The following DNAH12 variants were observed in gnomAD, a reference collection of about 807,000 sequenced individuals.
DNAH12 encodes the protein dynein axonemal heavy chain 12.
Under a neutral mutation model 371.5 loss-of-function variants are expected in DNAH12, and 285 were observed. That is an observed-to-expected ratio of 0.77 (90% CI 0.70 to 0.85). The LOEUF (loss-of-function observed/expected upper bound fraction) is 0.85, where lower values mean the gene tolerates loss of function less well. Ranked by LOEUF, DNAH12 falls within the 40% of genes least tolerant of loss-of-function variation. The pLI, the probability that DNAH12 is intolerant of heterozygous loss-of-function variation, is 0.00. For synonymous variants in DNAH12, 1,200 were observed against 1,213.0 expected (o/e 0.99, Z 0.22); for missense variants, 3,611 against 3,689.4 (o/e 0.98, Z 0.55).
At chr3:57,388,537 C>T (rs2063541774) in intron 45 of DNAH12, among the ~76,000 whole-genome samples, 1 of 127,522 alleles carries the variant, frequency 7.8e-6, no homozygotes, top group Admixed American at 8.7e-5. Context: ...TCATGTGATC[C>T]AATTGTACCA....
At chr3:57,313,464 C>A (rs2061621695) in intron 66 of DNAH12, among the ~76,000 whole-genome samples, 1 of 150,412 alleles carries the variant, frequency 6.6e-6, no homozygotes, top group South Asian at 2.1e-4. Flanking sequence ...CAAGCCTGAA[C>A]AACAAGGTAA....
chr3:57,478,945 A>T (rs919793757), intron 13 of DNAH12, among the ~76,000 whole-genome samples: 4 of 152,228 alleles, frequency 2.6e-5, no homozygotes, highest in Admixed American at 1.3e-4. Flanking sequence ...GGAAAGGAAC[A>T]ATCAGTACCA....
chr3:57,350,525 A>T (rs2062647903), intron 60 of DNAH12, among the ~76,000 whole-genome samples: 1 of 152,206 alleles, frequency 6.6e-6, no homozygotes, highest in Non-Finnish European at 1.5e-5. Flanking sequence ...CACACACATC[A>T]GTTGCATGTG....
intron 62 of DNAH12, among the ~76,000 whole-genome samples, chr3:57,331,257 C>T (rs1295747081): frequency 6.6e-6 from 1 of 152,126 alleles, no homozygotes; most frequent in Non-Finnish European, 1.5e-5. Context: ...GGTATTGAAA[C>T]AATATCTCTA....
rs958115871 is a variant in DNAH12, at chr3:57,491,999, C to CA, written c.1336-2313dup. 4.1e-3 allele frequency among the ~76,000 whole-genome samples: 559 copies of CA among 136,818 alleles called. 2 individuals are homozygous for CA. The highest frequency in any genetic ancestry group is 0.011 in the African/African-American group (425 of 37,172). 89.8% of individuals were successfully genotyped at this position (136,818 alleles called of 152,430 possible). ...ATAGCCTGAGTGACTGAGACTCTGT[C>CA]AAAAAAAAAAAAATTAGACGGGCAT... On this transcript the variant is annotated intron_variant, in intron 11 of 73. Transcript: ENST00000495027.
chr3:57,521,340 A>G (rs573161475), intron 4 of DNAH12, among the ~76,000 whole-genome samples: 1 of 151,914 alleles, frequency 6.6e-6, no homozygotes, highest in African/African-American at 2.4e-5. Flanking sequence ...TGAAAAGACT[A>G]TTCTTCCTCC....
chr3:57,444,862 T>C, intron 28 of DNAH12, 46 bp from the exon 29 acceptor site: 3 of 1,521,964 alleles, frequency 2.0e-6, no homozygotes, highest in Non-Finnish European at 2.7e-6. Flanking sequence ...TGCCAGCAAT[T>C]GCAACCCCAC....
At position 57,470,570 on chromosome 3, in the gene DNAH12, T is replaced by G; in HGVS notation, c.1978A>C (p.Asn660His). 1 of 1,550,268 alleles carries G rather than the reference T, an allele frequency of 6.5e-7. No individual in the cohort carries two copies. ...CACTTGAAAAGTTCCTCTTCTTTAT[T>G]AATAAACTGCACTGCTTCTTCAGAT... ...QESEEAVQFI[N>H]KEEELFKWEL... The change falls in exon 16 of 74, where the codon AAT becomes CAT. Residue 660 changes from asparagine (N) to histidine (H), a missense_variant. Asn to His is a moderately conservative substitution (Grantham distance 68, BLOSUM62 1). Coordinates refer to ENST00000495027, the MANE Select transcript of DNAH12 (RefSeq NM_001366028.2).
At chr3:57,493,828 T>TA (rs2067217594) in intron 11 of DNAH12, 1 of 148,964 alleles carries the variant, frequency 6.7e-6, no homozygotes, top group Admixed American at 6.7e-5. Context: ...TCTTTCATGG[T>TA]AAAAACACAA....
At chr3:57,448,809 C>T (rs528376862) in intron 25 of DNAH12, among the ~76,000 whole-genome samples, 1 of 152,332 alleles carries the variant, frequency 6.6e-6, no homozygotes, top group African/African-American at 2.4e-5. Context: ...AAAGGTTCTC[C>T]AAAGCCCCAC....
intron 60 of DNAH12, among the ~76,000 whole-genome samples, chr3:57,337,208 T>C (rs1324136354): frequency 1.3e-5 from 2 of 152,174 alleles, no homozygotes; most frequent in African/African-American, 2.4e-5. Context: ...ATAACAATTA[T>C]AAAAATACAT....
At chr3:57,467,327 G>A (rs930804695) in intron 17 of DNAH12, among the ~76,000 whole-genome samples, 2 of 152,000 alleles carry the variant, frequency 1.3e-5, no homozygotes, top group African/African-American at 4.8e-5. Flanking sequence ...ATATTGGCCA[G>A]GCTGGTCTCG....
chr3:57,376,026 T>TC (rs1464500997), intron 53 of DNAH12, 61 bp from the exon 54 acceptor site: 4 of 152,076 alleles, frequency 2.6e-5, no homozygotes, highest in Non-Finnish European at 5.9e-5. Context: ...GACAGTAATA[T>TC]AAAGGGCAAG....
intron 62 of DNAH12, 33 bp from the exon 63 acceptor site, chr3:57,323,652 A>G: frequency 6.7e-7 from 1 of 1,484,004 alleles, no homozygotes; most frequent in Non-Finnish European, 8.9e-7. Context: ...TCTTTAGAGC[A>G]ACTTTTATTT....
intron 11 of DNAH12, among the ~76,000 whole-genome samples, chr3:57,495,524 T>C (rs1257452818): frequency 6.6e-6 from 1 of 150,634 alleles, no homozygotes; most frequent in African/African-American, 2.5e-5. Context: ...TAGTGCCACA[T>C]TAGGACACAA....
intron 35 of DNAH12, among the ~76,000 whole-genome samples, chr3:57,423,295 A>G (rs2064651845): frequency 6.6e-6 from 1 of 152,248 alleles, no homozygotes; most frequent in East Asian, 1.9e-4. Context: ...TTATATAGGT[A>G]AACTATTCCC....
chr3:57,431,044 G>T (rs1420148267), intron 32 of DNAH12, among the ~76,000 whole-genome samples: 1 of 152,198 alleles, frequency 6.6e-6, no homozygotes, highest in Non-Finnish European at 1.5e-5. Context: ...GATAGTTGCA[G>T]TATTGTAAAA....
At chr3:57,376,320 T>A (rs1238783731) in intron 53 of DNAH12, among the ~76,000 whole-genome samples, 3 of 152,220 alleles carry the variant, frequency 2.0e-5, no homozygotes, top group African/African-American at 7.2e-5. Context: ...GTATTTATTG[T>A]TAGACTGTAA....
In DNAH12 at chr3:57,334,528, T is replaced by C. The variant is rs1161470174; in HGVS notation, c.9915A>G (p.Pro3305=). Residue 3305 remains proline, a synonymous_variant, in exon 62 of 74, where the codon CCA becomes CCG. Coordinates refer to ENST00000495027, the MANE Select transcript of DNAH12 (RefSeq NM_001366028.2). ...KEPHNAKFPA[P]MDKNLNELQK... is the part of the protein sequence containing the mutation. ...GTAGTTCATTTAGGTTCTTATCCAT[T>C]GGTGCTGGAAATTTAGCATTATGTG... 7 of 1,551,158 alleles carry C rather than the reference T, an allele frequency of 4.5e-6. No individual in the cohort carries two copies. The highest frequency in any genetic ancestry group is 6.1e-6 in the Non-Finnish European group (7 of 1,146,882).
Sources: allele counts gnomAD v4.1 joint callset (sites outside exome capture counted in the v4.1 genomes callset), GRCh38; gene constraint gnomAD v4.1.1; transcripts MANE v1.5; gene names NCBI Gene and HGNC (gene_info 2026-07-23, HGNC 2026-07-21).